The following ATAD1 variants were observed in gnomAD, a reference collection of about 807,000 sequenced individuals.
ATAD1 encodes ATPase family AAA domain containing 1.
ATAD1 carries 18 observed loss-of-function variants against 42.7 expected under a neutral mutation model. The ratio of observed to expected loss-of-function variants is 0.42; its 90% CI spans 0.29 to 0.63. The LOEUF is 0.63. Among genes scored for constraint, ATAD1 ranks in the 20% least tolerant of loss-of-function variants. The pLI is 0.19. For synonymous variants in ATAD1, 132 were observed against 143.1 expected, an observed-to-expected ratio of 0.92 and a Z score of 0.55; for missense variants, 294 against 440.4, an observed-to-expected ratio of 0.67 and a Z score of 2.98.
intron 6 of ATAD1, among the ~76,000 whole-genome samples, chr10:87,773,919 C>T (rs1436919693): frequency 6.6e-6 from 1 of 152,128 alleles, no homozygotes; most frequent in African/African-American, 2.4e-5. Flanking sequence ...GTACATGAGT[C>T]CCATTGATAA....
chr10:87,777,671 C>T (rs933947635), intron 5 of ATAD1, among the ~76,000 whole-genome samples: 1 of 151,488 alleles, frequency 6.6e-6, no homozygotes, highest in African/African-American at 2.4e-5. Context: ...GTCTTATATC[C>T]CTATAAATCA....
rs1209341193 is a variant in ATAD1 at position 87,760,140 on chromosome 10, T to A, written c.832-3218A>T. 5.3e-5 allele frequency among the ~76,000 whole-genome samples: 8 copies of A among 152,176 alleles called. No individual in the cohort carries two copies. In the East Asian group the frequency reaches 1.5e-3, roughly 29 times the overall value. On this transcript the variant is annotated intron_variant, in intron 8 of 9. Transcript: ENST00000680024. ...TCTATGTACTCTAAGCATTTTACAC[T>A]TATAATTTTATTTCAAGACCAGCTG... is the stretch of plus-strand genomic sequence containing the variant.
At chr10:87,820,379 C>A (rs1046140050), upstream of ATAD1, among the ~76,000 whole-genome samples, 1 of 152,184 alleles carries the variant, frequency 6.6e-6, no homozygotes, top group African/African-American at 2.4e-5. Context: ...CAACTAAGAG[C>A]CTCACCTGCC....
intron 8 of ATAD1, among the ~76,000 whole-genome samples, chr10:87,760,624 G>C (rs548364898): frequency 2.0e-5 from 3 of 152,172 alleles, no homozygotes; most frequent in Non-Finnish European, 4.4e-5. Context: ...AGCTACTCAG[G>C]AGGTTGAGGC....
chr10:87,788,673 T>TA (rs938607233), intron 4 of ATAD1, among the ~76,000 whole-genome samples: 24 of 152,148 alleles, frequency 1.6e-4, no homozygotes, highest in African/African-American at 5.5e-4. Context: ...ATAACACTGA[T>TA]AAAAAAAGAA....
At chr10:87,771,163 C>T (rs1855012816) in intron 6 of ATAD1, 122 bp from the exon 7 acceptor site, 1 of 650,378 alleles carries the variant, frequency 1.5e-6, no homozygotes, top group Admixed American at 3.2e-5. Context: ...TGTAAGAAAT[C>T]TGATTTTAAA....
intron 6 of ATAD1, among the ~76,000 whole-genome samples, chr10:87,774,262 C>G (rs2131830380): frequency 6.6e-6 from 1 of 152,316 alleles, no homozygotes; most frequent in East Asian, 1.9e-4. Flanking sequence ...TAAGCTAAGG[C>G]TGGAGGTAAA....
chr10:87,754,839 A>C, intron 9 of ATAD1, 32 bp from the exon 10 acceptor site: 1 of 1,601,618 alleles, frequency 6.2e-7, no homozygotes. Flanking sequence ...CAAATACTCA[A>C]ATAACTTTAG....
chr10:87,822,871 T>A (rs1305264296), upstream of ATAD1, among the ~76,000 whole-genome samples: 1 of 152,048 alleles, frequency 6.6e-6, no homozygotes, highest in South Asian at 2.1e-4. Context: ...TATAACACAT[T>A]GTATGCCTGT....
intron 8 of ATAD1, among the ~76,000 whole-genome samples, chr10:87,766,974 AAATTTC>A (rs1455661981): frequency 1.3e-5 from 2 of 152,320 alleles, no homozygotes; most frequent in African/African-American, 2.4e-5. Flanking sequence ...TCTTAAATTT[AAATTTC>A]AACTTCAAAA....
intron 3 of ATAD1, among the ~76,000 whole-genome samples, chr10:87,792,012 G>A (rs1052109411): frequency 1.2e-4 from 19 of 152,116 alleles, no homozygotes; most frequent in Non-Finnish European, 2.6e-4. Flanking sequence ...AAAGCAGTAC[G>A]CTTTATACAC....
In ATAD1 at chr10:87,752,336, T is replaced by C. The variant is rs1854050978; in HGVS notation, c.*2351A>G. 1 of 152,158 alleles carries C rather than the reference T, an allele frequency of 6.6e-6. No homozygotes were observed. The highest frequency in any genetic ancestry group is 1.5e-5 in the Non-Finnish European group (1 of 68,024). The allele number at this position is 152,158 out of a possible 1,614,324, so 9.4% of individuals were successfully genotyped here. A position where few individuals can be genotyped will look rare whatever the true frequency, so the allele number is the denominator to read the frequency against. On this transcript the variant is annotated 3_prime_UTR_variant, in exon 10 of 10. Transcript: ENST00000680024. Reference sequence around the variant, plus strand: ...AGGGATTATGGAACTGGTTTAAGCATGGAGAATGCTTAAAGAATGAGCCTG... The same window carrying C: ...AGGGATTATGGAACTGGTTTAAGCACGGAGAATGCTTAAAGAATGAGCCTG...
Position 87,770,996 on chromosome 10 carries a change from C to T in ATAD1, c.736G>A (p.Ala246Thr). The part of the protein sequence containing the change: ...ATNRPQDLDS[A>T]IMRRMPTRFH... ...CTTGTAGGCATTCTTCTCATTATAG[C>T]CGAGTCAAGGTCCTGAGGACGATTG... The change falls in exon 7 of 10, where the codon GCT becomes ACT. Residue 246 changes from alanine to threonine, a missense_variant. By Grantham distance (58) the Ala-to-Thr change is moderately conservative. This residue lies in a region of ATAD1 where 142 missense variants were observed against 174.6 expected (regional missense o/e 0.81). Coordinates refer to ENST00000680024, the MANE Select transcript of ATAD1 (RefSeq NM_001321967.2). 1 of 1,613,452 alleles carries T rather than the reference C, an allele frequency of 6.2e-7. No homozygotes were observed. Among genetic ancestry groups the T allele is most frequent in the Non-Finnish European group, 8.5e-7 (1 of 1,179,650 alleles).
At chr10:87,769,387 C>T (rs1328208649) in intron 7 of ATAD1, among the ~76,000 whole-genome samples, 1 of 152,132 alleles carries the variant, frequency 6.6e-6, no homozygotes, top group African/African-American at 2.4e-5. Flanking sequence ...GCAGGAAAGC[C>T]CTTCCTTGTC....
intron 8 of ATAD1, chr10:87,759,785 C>T: frequency 2.2e-6 from 1 of 455,756 alleles, no homozygotes; most frequent in Non-Finnish European, 4.4e-6. Flanking sequence ...TCAGTTTCCT[C>T]AGCTGTAAAA....
intron 4 of ATAD1, among the ~76,000 whole-genome samples, chr10:87,788,324 T>A (rs1254444864): frequency 6.6e-6 from 1 of 152,190 alleles, no homozygotes; most frequent in Non-Finnish European, 1.5e-5. Context: ...CTAGTTCCAG[T>A]CCCAAAATGG....
intron 5 of ATAD1, among the ~76,000 whole-genome samples, chr10:87,782,593 G>T (rs7068856): frequency 1.3e-5 from 2 of 152,114 alleles, no homozygotes; most frequent in Non-Finnish European, 2.9e-5. Flanking sequence ...TGACTTTTAA[G>T]TTGATATTCT....
At chr10:87,779,924 C>A (rs1855488317) in intron 5 of ATAD1, among the ~76,000 whole-genome samples, 1 of 152,114 alleles carries the variant, frequency 6.6e-6, no homozygotes, top group African/African-American at 2.4e-5. Flanking sequence ...TAGTGTCTTA[C>A]AAAACTAAAC....
intron 9 of ATAD1, among the ~76,000 whole-genome samples, chr10:87,756,061 T>C (rs12775041): frequency 0.28 from 42,704 of 152,050 alleles, 6,341 homozygotes; most frequent in Non-Finnish European, 0.31. Flanking sequence ...AAGTTTGCTA[T>C]GGCAACACAC....
Sources: allele counts gnomAD v4.1 joint callset (sites outside exome capture counted in the v4.1 genomes callset), GRCh38; gene constraint gnomAD v4.1.1; regional missense constraint gnomAD v4.1.1; transcripts MANE v1.5; gene names NCBI Gene and HGNC (gene_info 2026-07-23, HGNC 2026-07-21).